Variants in SLC26A7 observed in about 807,000 individuals in gnomAD.
SLC26A7 encodes the protein solute carrier family 26 member 7.
In SLC26A7, 59 loss-of-function variants were observed where a neutral mutation model predicts 82.5. The observed-to-expected ratio is 0.72, with a 90% CI of 0.58 to 0.89. SLC26A7 has a LOEUF of 0.89. SLC26A7 is among the 40% of genes least tolerant of loss of function. The pLI is 0.00. For missense variants in SLC26A7, 820 were observed against 793.0 expected (o/e 1.03, Z -0.41); for synonymous variants, 271 against 274.3 (o/e 0.99, Z 0.12).
intron 9 of SLC26A7, among the ~76,000 whole-genome samples, chr8:91,346,682 G>T (rs189167140): frequency 6.6e-6 from 1 of 152,308 alleles, no homozygotes; most frequent in Admixed American, 6.5e-5. Flanking sequence ...ATGTGGTCAT[G>T]TTATTTTTGC....
intron 9 of SLC26A7, chr8:91,348,339 T>C (rs1813622385): frequency 1.0e-6 from 1 of 985,260 alleles, no homozygotes; most frequent in East Asian, 1.1e-4. Context: ...TATGCCTTCT[T>C]TGACAACTGC....
chr8:91,281,041 C>T (rs945126324), intron 2 of SLC26A7, among the ~76,000 whole-genome samples: 1 of 152,128 alleles, frequency 6.6e-6, no homozygotes, highest in Non-Finnish European at 1.5e-5. Context: ...AACCTCATCA[C>T]AATTTCTCCC....
intron 2 of SLC26A7, among the ~76,000 whole-genome samples, chr8:91,260,141 A>T (rs1420739382): frequency 6.6e-6 from 1 of 152,142 alleles, no homozygotes; most frequent in Non-Finnish European, 1.5e-5. Context: ...TAAAGGAAAG[A>T]GGTTTAATTG....
intron 4 of SLC26A7, among the ~76,000 whole-genome samples, chr8:91,301,562 C>G (rs562693693): frequency 4.1e-4 from 62 of 151,572 alleles, no homozygotes; most frequent in African/African-American, 1.5e-3. Flanking sequence ...AATGTTTTAC[C>G]CTTTGATATT....
intron 16 of SLC26A7, among the ~76,000 whole-genome samples, chr8:91,390,309 G>A (rs897349793): frequency 6.6e-6 from 1 of 151,988 alleles, no homozygotes; most frequent in South Asian, 2.1e-4. Flanking sequence ...AGTAGAGACG[G>A]GGTTTCACCA....
At chr8:91,279,781 G>A (rs1178857762) in intron 2 of SLC26A7, among the ~76,000 whole-genome samples, 1 of 151,980 alleles carries the variant, frequency 6.6e-6, no homozygotes. Context: ...GGATGGTCTC[G>A]ATCTCCTGAC....
Position 91,375,001 on chromosome 8 carries a change from C to CT in SLC26A7, c.1675+5177dup, listed in dbSNP as rs200196914. ...ATAAGGCCCTTCTTTGTCTTTCTTT[C>CT]TTTTTTTTTGCCATTGTTGGTTTAA... On this transcript the variant is annotated intron_variant, in intron 15 of 18. Coordinates refer to ENST00000276609, the MANE Select transcript of SLC26A7 (RefSeq NM_052832.4). Among the ~76,000 whole-genome samples the CT allele has an allele frequency of 5.7e-3, 862 of 150,514 alleles. 11 individuals are homozygous for CT. The highest frequency in any genetic ancestry group is 0.019 in the African/African-American group (785 of 41,152).
chr8:91,266,904 T>C (rs1811127766), intron 2 of SLC26A7, among the ~76,000 whole-genome samples: 1 of 151,974 alleles, frequency 6.6e-6, no homozygotes, highest in Non-Finnish European at 1.5e-5. Flanking sequence ...TGTGTTGAGG[T>C]ATATTCCTTC....
At chr8:91,349,255 G>T (rs1167239318) in intron 9 of SLC26A7, among the ~76,000 whole-genome samples, 1 of 152,090 alleles carries the variant, frequency 6.6e-6, no homozygotes. Flanking sequence ...TTTGCTTATG[G>T]TCTATTTCAT....
At chr8:91,253,624 C>G (rs1417357676) in intron 2 of SLC26A7, among the ~76,000 whole-genome samples, 1 of 152,124 alleles carries the variant, frequency 6.6e-6, no homozygotes, top group Non-Finnish European at 1.5e-5. Context: ...CATTAATAAT[C>G]TGAGCCTCTT....
At chr8:91,281,463 G>A (rs1436103424) in intron 2 of SLC26A7, among the ~76,000 whole-genome samples, 2 of 152,176 alleles carry the variant, frequency 1.3e-5, no homozygotes, top group Non-Finnish European at 2.9e-5. Context: ...TGGAGGGCTG[G>A]ATATACTATG....
upstream of SLC26A7, among the ~76,000 whole-genome samples, chr8:91,246,995 G>C (rs1016503568): frequency 6.6e-6 from 1 of 152,142 alleles, no homozygotes; most frequent in Non-Finnish European, 1.5e-5. Flanking sequence ...ACTTCACACA[G>C]AGTCTAGCAA....
chr8:91,385,792 A>G (rs78913446), intron 15 of SLC26A7, among the ~76,000 whole-genome samples: 1 of 152,216 alleles, frequency 6.6e-6, no homozygotes, highest in Admixed American at 6.5e-5. Context: ...TGAGATAATT[A>G]CAAGAAAATA....
At chr8:91,248,746 C>T (rs982858875), upstream of SLC26A7, among the ~76,000 whole-genome samples, 1 of 152,124 alleles carries the variant, frequency 6.6e-6, no homozygotes, top group Non-Finnish European at 1.5e-5. Flanking sequence ...TAACATTCCT[C>T]AGTAAATTTC....
intron 2 of SLC26A7, among the ~76,000 whole-genome samples, chr8:91,267,189 A>G (rs1811136372): frequency 6.6e-6 from 1 of 151,680 alleles, no homozygotes; most frequent in South Asian, 2.1e-4. Flanking sequence ...CATTAGGCAT[A>G]TTGACATTCC....
chr8:91,341,223 T>G (rs545487345), intron 8 of SLC26A7, among the ~76,000 whole-genome samples: 6 of 151,252 alleles, frequency 4.0e-5, no homozygotes, highest in Admixed American at 4.0e-4. Context: ...CACCTATGAG[T>G]GAGAATATGC....
In SLC26A7 at chr8:91,398,154, A is replaced by G. The variant is rs1256161803; in HGVS notation, c.*3057A>G. 3 of 152,568 alleles carry G rather than the reference A, an allele frequency of 2.0e-5. No homozygotes were observed. Among genetic ancestry groups the G allele is most frequent in the Non-Finnish European group, 4.4e-5 (3 of 67,988 alleles). 9.5% of individuals were successfully genotyped at this position (152,568 alleles called of 1,614,324 possible). A position where few individuals can be genotyped will look rare whatever the true frequency, so the allele number is the denominator to read the frequency against. On this transcript the variant is annotated 3_prime_UTR_variant, in exon 19 of 19. Coordinates refer to ENST00000276609, the MANE Select transcript of SLC26A7 (RefSeq NM_052832.4). ...CGAAATATGATAACTATTATGCTTA[A>G]ATGGATTTGCGTCTATTATTTCATA... is the stretch of plus-strand genomic sequence containing the variant.
intron 2 of SLC26A7, among the ~76,000 whole-genome samples, chr8:91,269,937 A>G (rs4579492): frequency 0.016 from 2,481 of 151,812 alleles, 38 homozygotes; most frequent in African/African-American, 0.052. Context: ...CTTTTTTTAA[A>G]TTGTTTGTAT....
At chr8:91,329,206 G>T (rs1445739764) in intron 5 of SLC26A7, among the ~76,000 whole-genome samples, 1 of 151,828 alleles carries the variant, frequency 6.6e-6, no homozygotes, top group Non-Finnish European at 1.5e-5. Context: ...AGGATGCCTG[G>T]AACTCTATTA....
Sources: allele counts gnomAD v4.1 joint callset (sites outside exome capture counted in the v4.1 genomes callset), GRCh38; gene constraint gnomAD v4.1.1; transcripts MANE v1.5; gene names NCBI Gene and HGNC (gene_info 2026-07-23, HGNC 2026-07-21).